Variants in DIRAS2 observed in about 807,000 individuals in gnomAD.
DIRAS2 encodes the protein GTP-binding protein Di-Ras2.
Under a neutral mutation model 13.9 loss-of-function variants are expected in DIRAS2, and 5 were observed. That is an observed-to-expected ratio of 0.36 (90% CI 0.19 to 0.76). The LOEUF (loss-of-function observed/expected upper bound fraction) is 0.76. Ranked by LOEUF, DIRAS2 falls within the 30% of genes least tolerant of loss-of-function variation. The probability of loss-of-function intolerance (pLI) is 0.53; values close to 1 mark genes in which losing one functional copy is unlikely to be tolerated. For synonymous variants in DIRAS2, 111 were observed against 105.4 expected (o/e 1.05, Z -0.33); for missense variants, 191 against 263.0 (o/e 0.73, Z 1.89).
At chr9:90,614,506 C>T (rs1467939873) in intron 1 of DIRAS2, among the ~76,000 whole-genome samples, 1 of 152,040 alleles carries the variant, frequency 6.6e-6, no homozygotes, top group Admixed American at 6.6e-5. Flanking sequence ...AGGAAGAGAT[C>T]GGGAATGGAA....
chr9:90,613,183 T>C lies in DIRAS2; in HGVS notation c.*45A>G. 6.4e-7 allele frequency: 1 copy of C among 1,572,474 alleles called. No homozygotes were observed. Among genetic ancestry groups the C allele is most frequent in the Non-Finnish European group, 8.6e-7 (1 of 1,159,754 alleles). On this transcript the variant is annotated 3_prime_UTR_variant, in exon 2 of 2. Coordinates refer to ENST00000375765, the MANE Select transcript of DIRAS2 (RefSeq NM_017594.5). This position sits in a 1 kb window ranked among gnomAD's most constrained non-coding sequence, Gnocchi z 5.6. ...GACGGTGGGTGTCATTTTGGGGGAG[T>C]GAGGTGCCGGGGACACACAGCTGCT...
chr9:90,642,112 A>C (rs1825423885), intron 1 of DIRAS2, among the ~76,000 whole-genome samples: 1 of 152,242 alleles, frequency 6.6e-6, no homozygotes, highest in Non-Finnish European at 1.5e-5. Context: ...AGAAGCCAGC[A>C]CTGCTTTTCA....
chr9:90,631,236 G>A (rs1825322077), intron 1 of DIRAS2, among the ~76,000 whole-genome samples: 1 of 152,150 alleles, frequency 6.6e-6, no homozygotes, highest in African/African-American at 2.4e-5. Flanking sequence ...AGAGCAGCAG[G>A]TACAAACACA....
chr9:90,610,459 G>A lies in DIRAS2; in HGVS notation c.*2769C>T. 2.5e-6 allele frequency: 1 copy of A among 398,956 alleles called. No homozygotes were observed. Among genetic ancestry groups the A allele is most frequent in the Non-Finnish European group, 4.4e-6 (1 of 226,046 alleles). The allele number at this position is 398,956 out of a possible 1,614,324, so 24.7% of individuals were successfully genotyped here. A position where few individuals can be genotyped will look rare whatever the true frequency, so the allele number is the denominator to read the frequency against. ...GAGGAGGGGCTCATGGGGATAGAAGGGAAGTCATGGAGCCCCATGCTCATG... is the reference window on the plus strand; with the variant it reads ...GAGGAGGGGCTCATGGGGATAGAAGAGAAGTCATGGAGCCCCATGCTCATG... On this transcript the variant is annotated 3_prime_UTR_variant, in exon 2 of 2. Transcript: ENST00000375765.
chr9:90,618,884 C>T (rs571044354), intron 1 of DIRAS2, among the ~76,000 whole-genome samples: 1 of 152,148 alleles, frequency 6.6e-6, no homozygotes, highest in Non-Finnish European at 1.5e-5. Context: ...CTATAACAAG[C>T]CTGTAATCCC....
Position 90,642,821 on chromosome 9 carries a change from G to A in DIRAS2, c.-106C>T, listed in dbSNP as rs1825431062. ...CTCGCGCAGGACAGGGCAGCGCAGG[G>A]TGTGTGGATGCGGCTCCTCCCGGAG... is the stretch of plus-strand genomic sequence containing the variant. On this transcript the variant is annotated 5_prime_UTR_variant, in exon 1 of 2. Transcript: ENST00000375765. 6.6e-6 allele frequency: 1 copy of A among 152,358 alleles called. No homozygotes were observed. Among genetic ancestry groups the A allele is most frequent in the Admixed American group, 6.5e-5 (1 of 15,286 alleles). 9.4% of individuals were successfully genotyped at this position (152,358 alleles called of 1,614,324 possible).
chr9:90,615,228 C>G (rs1264193592), intron 1 of DIRAS2, among the ~76,000 whole-genome samples: 1 of 152,202 alleles, frequency 6.6e-6, no homozygotes, highest in Non-Finnish European at 1.5e-5. Flanking sequence ...TCCTGACAGA[C>G]AGAACATCAG....
At chr9:90,638,790 G>A (rs370935179) in intron 1 of DIRAS2, among the ~76,000 whole-genome samples, 1 of 152,078 alleles carries the variant, frequency 6.6e-6, no homozygotes, top group Non-Finnish European at 1.5e-5. Context: ...ACCTGGATTT[G>A]CCCTCGATGA....
At chr9:90,618,631 T>A (rs1311966263) in intron 1 of DIRAS2, among the ~76,000 whole-genome samples, 1 of 152,180 alleles carries the variant, frequency 6.6e-6, no homozygotes, top group Non-Finnish European at 1.5e-5. Flanking sequence ...AGTATTGTTA[T>A]AAATCATATA....
chr9:90,636,355 G>C (rs1009118869), intron 1 of DIRAS2, among the ~76,000 whole-genome samples: 7 of 152,044 alleles, frequency 4.6e-5, no homozygotes, highest in African/African-American at 1.4e-4. Context: ...GGAAGCCAAG[G>C]GTGTGGATAA....
Position 90,613,494 on chromosome 9 carries a change from C to G in DIRAS2, c.334G>C (p.Glu112Gln). 1 of 1,614,086 alleles carries G rather than the reference C, an allele frequency of 6.2e-7. No homozygotes were observed. Among genetic ancestry groups the G allele is most frequent in the Non-Finnish European group, 8.5e-7 (1 of 1,180,028 alleles). The change falls in exon 2 of 2, where the codon GAG (glutamate) becomes CAG (glutamine). Residue 112 changes from glutamate (E) to glutamine (Q), a missense_variant. Physicochemically the swap from Glu to Gln is conservative, Grantham distance 29. Transcript: ENST00000375765. This position sits in a 1 kb window ranked among gnomAD's most constrained non-coding sequence, Gnocchi z 5.6. Reference sequence around the variant, plus strand: ...CCCACCAGCATGATGGGGATGCTCTCCACGTCCCCTTTGATCTCGCAGATT... The same window carrying G: ...CCCACCAGCATGATGGGGATGCTCTGCACGTCCCCTTTGATCTCGCAGATT... Reference protein sequence around the residue: ...EQICEIKGDVESIPIMLVGNK... With the variant: ...EQICEIKGDVQSIPIMLVGNK...
At chr9:90,639,939 T>C (rs1039843169) in intron 1 of DIRAS2, among the ~76,000 whole-genome samples, 7 of 152,214 alleles carry the variant, frequency 4.6e-5, no homozygotes, top group Admixed American at 2.6e-4. Flanking sequence ...AATTGAGTAA[T>C]GATCTATAGC....
Position 90,613,761 on chromosome 9 carries a change from G to A in DIRAS2, c.67C>T (p.Leu23=). The A allele has an allele frequency of 1.9e-6, 3 of 1,614,134 alleles. No individual in the cohort carries two copies. The South Asian group carries it at 3.3e-5, about 18-fold the overall frequency. ...GTGCCTTTCACAAACCTCAACACCA[G>A]GGAGCTCTTGCCAACACCGCCAGCC... ...FGAGGVGKSS[L]VLRFVKGTFR... The change falls in exon 2 of 2, where the codon CTG becomes TTG. Residue 23 remains leucine (L), a synonymous_variant. Transcript: ENST00000375765. The surrounding 1 kb of genome is among the most constrained non-coding windows in gnomAD (Gnocchi z 5.6).
rs1825097888 is a variant in DIRAS2 at position 90,610,267 on chromosome 9, A to G, written c.*2961T>C. 2 of 395,366 alleles carry G rather than the reference A, an allele frequency of 5.1e-6. No homozygotes were observed. The highest frequency in any genetic ancestry group is 2.8e-4 in the South Asian group (2 of 7,066). 24.5% of individuals were successfully genotyped at this position (395,366 alleles called of 1,614,324 possible). A position where few individuals can be genotyped will look rare whatever the true frequency, so the allele number is the denominator to read the frequency against. On this transcript the variant is annotated 3_prime_UTR_variant, in exon 2 of 2. Transcript: ENST00000375765. ...AAATATTACAAACAGTGAAACAAAT[A>G]TACTAGCTTACAGATATGTACAATT...
Position 90,610,969 on chromosome 9 carries a change from A to C in DIRAS2, c.*2259T>G, listed in dbSNP as rs1457403417. 1 of 152,206 alleles carries C rather than the reference A, an allele frequency of 6.6e-6. No individual in the cohort carries two copies. Among genetic ancestry groups the C allele is most frequent in the Admixed American group, 6.5e-5 (1 of 15,280 alleles). 9.4% of individuals were successfully genotyped at this position (152,206 alleles called of 1,614,324 possible). On this transcript the variant is annotated 3_prime_UTR_variant, in exon 2 of 2. Transcript: ENST00000375765. Reference sequence around the variant, plus strand: ...AGTAGAAATGGGATGGTTTGCAGGAATATCTCACATTAAAACCTTATTAAT... The same window carrying C: ...AGTAGAAATGGGATGGTTTGCAGGACTATCTCACATTAAAACCTTATTAAT...
In DIRAS2 at chr9:90,610,817, G is replaced by GA. The variant is rs35904217; in HGVS notation, c.*2410dup. The GA allele has an allele frequency of 0.72, 118,586 of 164,502 alleles. 43,614 individuals carry two copies. The highest frequency in any genetic ancestry group is 0.78 in the Non-Finnish European group (59,592 of 76,408). The allele number at this position is 164,502 out of a possible 1,614,324, so 10.2% of individuals were successfully genotyped here. A position where few individuals can be genotyped will look rare whatever the true frequency, so the allele number is the denominator to read the frequency against. On this transcript the variant is annotated 3_prime_UTR_variant, in exon 2 of 2. Transcript: ENST00000375765. ...ATAAATTCACAGAAAAAATATGAAG[G>GA]AAAAAATGTGTCCTGAATGAAATCA...
Position 90,613,474 on chromosome 9 carries a change from C to A in DIRAS2, c.354G>T (p.Leu118=). 1 of 1,614,034 alleles carries A rather than the reference C, an allele frequency of 6.2e-7. No individual in the cohort carries two copies. The highest frequency in any genetic ancestry group is 2.2e-5 in the East Asian group (1 of 44,850). ...GGCTCTCATCACACTTGTTCCCCAC[C>A]AGCATGATGGGGATGCTCTCCACGT... is the stretch of plus-strand genomic sequence containing the variant. ...KGDVESIPIM[L]VGNKCDESPS... is the part of the protein sequence containing the mutation. The change falls in exon 2 of 2, where the codon CTG becomes CTT. Residue 118 remains leucine (L), a synonymous_variant. Coordinates refer to ENST00000375765, the MANE Select transcript of DIRAS2 (RefSeq NM_017594.5). This position sits in a 1 kb window ranked among gnomAD's most constrained non-coding sequence, Gnocchi z 5.6.
At chr9:90,619,729 C>A (rs1825202300) in intron 1 of DIRAS2, among the ~76,000 whole-genome samples, 2 of 152,086 alleles carry the variant, frequency 1.3e-5, no homozygotes, top group African/African-American at 4.8e-5. Context: ...CACATAGCCA[C>A]ACAAAAATTT....
At chr9:90,619,400 G>A (rs939970951) in intron 1 of DIRAS2, among the ~76,000 whole-genome samples, 1 of 152,110 alleles carries the variant, frequency 6.6e-6, no homozygotes, top group South Asian at 2.1e-4. Context: ...CCAAGATCAC[G>A]TCATTTCACT....
Sources: allele counts gnomAD v4.1 joint callset (sites outside exome capture counted in the v4.1 genomes callset), GRCh38; gene constraint gnomAD v4.1.1; non-coding constraint Gnocchi (gnomAD v3.1); transcripts MANE v1.5; gene names NCBI Gene and HGNC (gene_info 2026-07-23, HGNC 2026-07-21).